FBP2: variants seen among roughly 807,000 people sequenced by gnomAD.
FBP2 encodes the protein fructose-bisphosphatase 2, also known as fructose-1,6-bisphosphatase isozyme 2.
FBP2 carries 27 observed loss-of-function variants against 31.6 expected under a neutral mutation model. The observed-to-expected ratio is 0.85, with a 90% CI of 0.63 to 1.18. The LOEUF (loss-of-function observed/expected upper bound fraction) is 1.18, where lower values mean the gene tolerates loss of function less well. Ranked by LOEUF, FBP2 falls within the 50% of genes most tolerant of loss-of-function variation. FBP2 has a pLI of 0.00. For missense variants in FBP2, 421 were observed against 436.1 expected (o/e 0.97, Z 0.31); for synonymous variants, 168 against 179.8 (o/e 0.93, Z 0.53).
In FBP2 at chr9:94,558,803, G is replaced by T; in HGVS notation, c.*135C>A. 1 of 793,472 alleles carries T rather than the reference G, an allele frequency of 1.3e-6. No individual in the cohort carries two copies. Among genetic ancestry groups the T allele is most frequent in the Non-Finnish European group, 2.1e-6 (1 of 480,932 alleles). The allele number at this position is 793,472 out of a possible 1,614,324, so 49.2% of individuals were successfully genotyped here. A position where few individuals can be genotyped will look rare whatever the true frequency, so the allele number is the denominator to read the frequency against. On this transcript the variant is annotated 3_prime_UTR_variant, in exon 7 of 7. Transcript: ENST00000375337. ...CTTCCAAACCTGTCGTAAGCAGTTT[G>T]TTGTTGCTCTTCTGTATGTGATTAA...
At chr9:94,590,122 A>G (rs1170239740) in intron 1 of FBP2, among the ~76,000 whole-genome samples, 2 of 151,792 alleles carry the variant, frequency 1.3e-5, no homozygotes, top group Non-Finnish European at 2.9e-5. Context: ...CCCTCCTCCT[A>G]GAAAGAATGG....
intron 3 of FBP2, chr9:94,577,423 A>G (rs866416497): frequency 7.9e-5 from 12 of 152,254 alleles, no homozygotes; most frequent in African/African-American, 2.9e-4. Flanking sequence ...ACTGATGGGC[A>G]AATTACAACA....
chr9:94,563,400 G>C lies in FBP2; in HGVS notation c.767C>G (p.Thr256Ser), dbSNP rs1827138135. 6.2e-7 allele frequency: 1 copy of C among 1,613,928 alleles called. No individual in the cohort carries two copies. Among genetic ancestry groups the C allele is most frequent in the Admixed American group, 1.7e-5 (1 of 60,000 alleles). The change falls in exon 6 of 7, where the codon ACC becomes AGC. Residue 256 changes from threonine to serine, a missense_variant. By Grantham distance (58) the Thr-to-Ser change is moderately conservative. Transcript: ENST00000375337. ...CAGGAAGATTCCTCCATAGACCAGG[G>C]TGCGGTGCACGTCAGCCACCATGGA... ...VGSMVADVHR[T>S]LVYGGIFLYP...
At chr9:94,591,053 A>G (rs1450602511) in intron 1 of FBP2, among the ~76,000 whole-genome samples, 3 of 152,232 alleles carry the variant, frequency 2.0e-5, no homozygotes, top group Non-Finnish European at 2.9e-5. Flanking sequence ...CCACGTCCCC[A>G]CCAGACTCAG....
chr9:94,571,793 G>T (rs1827272916), intron 3 of FBP2, among the ~76,000 whole-genome samples, 191 bp from the exon 4 acceptor site: 1 of 152,230 alleles, frequency 6.6e-6, no homozygotes, highest in African/African-American at 2.4e-5. Context: ...CCATGGCAAA[G>T]GCCATTCTTG....
intron 3 of FBP2, among the ~76,000 whole-genome samples, chr9:94,574,129 G>A (rs536107398): frequency 6.6e-6 from 1 of 152,170 alleles, no homozygotes; most frequent in South Asian, 2.1e-4. Flanking sequence ...GAAAAACAAG[G>A]CAACCTGAGA....
At chr9:94,559,919 G>C (rs1352493083) in intron 6 of FBP2, among the ~76,000 whole-genome samples, 2 of 152,118 alleles carry the variant, frequency 1.3e-5, no homozygotes, top group East Asian at 1.9e-4. Context: ...CTTGAGTCCA[G>C]GCATTTGAGA....
chr9:94,562,357 A>G (rs915923430), intron 6 of FBP2, among the ~76,000 whole-genome samples: 3 of 150,370 alleles, frequency 2.0e-5, no homozygotes, highest in Non-Finnish European at 4.4e-5. Context: ...CATGTCTTCT[A>G]CTTGCCTCAC....
intron 6 of FBP2, among the ~76,000 whole-genome samples, chr9:94,563,072 G>A (rs562504133): frequency 6.6e-6 from 1 of 152,362 alleles, no homozygotes; most frequent in Non-Finnish European, 1.5e-5. Flanking sequence ...GAGACACACA[G>A]CTGGTTCATG....
At chr9:94,593,504 C>CCCTG in intron 1 of FBP2, 53 bp downstream of exon 1, 1 of 1,542,272 alleles carries the variant, frequency 6.5e-7, no homozygotes, top group Non-Finnish European at 8.8e-7. Context: ...GCTCCCACAC[C>CCCTG]CCTGCCTGGG....
At chr9:94,587,911 C>G (rs988218094) in intron 1 of FBP2, among the ~76,000 whole-genome samples, 2 of 152,002 alleles carry the variant, frequency 1.3e-5, no homozygotes, top group East Asian at 3.9e-4. Flanking sequence ...TGCAGTGGCA[C>G]GAACTCTGCT....
intron 1 of FBP2, among the ~76,000 whole-genome samples, chr9:94,590,321 G>A (rs1281117329): frequency 6.6e-6 from 1 of 152,188 alleles, no homozygotes; most frequent in African/African-American, 2.4e-5. Flanking sequence ...GGGCACTCCA[G>A]CCTCTCTTGT....
At chr9:94,573,202 G>GATA (rs1827286355) in intron 3 of FBP2, among the ~76,000 whole-genome samples, 1 of 152,154 alleles carries the variant, frequency 6.6e-6, no homozygotes, top group Non-Finnish European at 1.5e-5. Context: ...TGTAATGCTA[G>GATA]CTGTAGATGT....
intron 1 of FBP2, among the ~76,000 whole-genome samples, chr9:94,589,056 T>C (rs1827462220): frequency 6.6e-6 from 1 of 152,202 alleles, no homozygotes; most frequent in South Asian, 2.1e-4. Flanking sequence ...CCCCAACATC[T>C]TACTCGATGC....
At chr9:94,559,965 A>C (rs1370778221) in intron 6 of FBP2, among the ~76,000 whole-genome samples, 1 of 152,118 alleles carries the variant, frequency 6.6e-6, no homozygotes. Flanking sequence ...TCTCTACAAA[A>C]AATTTAAAAA....
intron 3 of FBP2, among the ~76,000 whole-genome samples, chr9:94,579,361 G>A (rs185685153): frequency 3.1e-4 from 40 of 128,648 alleles, no homozygotes; most frequent in African/African-American, 9.9e-4. Flanking sequence ...TTATGCCACC[G>A]CACTCCAGCC....
At chr9:94,568,378 T>C (rs1490451124) in intron 4 of FBP2, 3 of 152,194 alleles carry the variant, frequency 2.0e-5, no homozygotes, top group African/African-American at 4.8e-5. Context: ...GCAGGGCATC[T>C]CTCAAATACC....
chr9:94,567,561 T>G (rs1049130528), intron 4 of FBP2, 154 bp from the exon 5 acceptor site: 4 of 794,578 alleles, frequency 5.0e-6, no homozygotes, highest in Non-Finnish European at 8.0e-6. Flanking sequence ...GGTGTTTTCA[T>G]GAGTGGTGGG....
intron 2 of FBP2, among the ~76,000 whole-genome samples, chr9:94,585,783 G>A (rs952862357): frequency 4.6e-5 from 7 of 151,244 alleles, no homozygotes; most frequent in Admixed American, 2.0e-4. Context: ...CCACCATGCC[G>A]AGCTAAATTT....
Sources: allele counts gnomAD v4.1 joint callset (sites outside exome capture counted in the v4.1 genomes callset), GRCh38; gene constraint gnomAD v4.1.1; transcripts MANE v1.5; gene names NCBI Gene and HGNC (gene_info 2026-07-23, HGNC 2026-07-21).